Variants in GRIP1 observed in about 807,000 individuals in gnomAD.
GRIP1 encodes the protein glutamate receptor-interacting protein 1.
GRIP1 carries 45 observed loss-of-function variants against 129.9 expected under a neutral mutation model. The ratio of observed to expected loss-of-function variants is 0.35; its 90% CI spans 0.27 to 0.44. GRIP1 has a LOEUF of 0.44. Ranked by LOEUF, GRIP1 falls within the 20% of genes least tolerant of loss-of-function variation. The probability of loss-of-function intolerance (pLI) is 1.00; values close to 1 mark genes in which losing one functional copy is unlikely to be tolerated. For missense variants in GRIP1, 1,196 were observed against 1,396.8 expected, an observed-to-expected ratio of 0.86 and a Z score of 2.29; for synonymous variants, 530 against 520.8, an observed-to-expected ratio of 1.02 and a Z score of -0.24.
chr12:66,799,249 C>T (rs1027032680), intron 1 of GRIP1, among the ~76,000 whole-genome samples: 7 of 151,732 alleles, frequency 4.6e-5, no homozygotes, highest in African/African-American at 1.7e-4. Flanking sequence ...AACATGATAG[C>T]CAATCAATTT....
At chr12:66,612,392 G>C (rs1043453407) in intron 1 of GRIP1, among the ~76,000 whole-genome samples, 20 of 152,132 alleles carry the variant, frequency 1.3e-4, no homozygotes, top group African/African-American at 4.8e-4. Context: ...GGGTTCAGTG[G>C]TTCTGTGTGT....
intron 1 of GRIP1, among the ~76,000 whole-genome samples, chr12:66,908,577 G>A (rs888403823): frequency 2.0e-5 from 3 of 152,140 alleles, no homozygotes; most frequent in African/African-American, 7.2e-5. Context: ...AAGAAACAGT[G>A]TTGCATATTA....
At chr12:66,561,307 A>T (rs758964168) in intron 2 of GRIP1, among the ~76,000 whole-genome samples, 1 of 152,176 alleles carries the variant, frequency 6.6e-6, no homozygotes, top group Non-Finnish European at 1.5e-5. Context: ...ATAATTGTAC[A>T]TCTTAAAATA....
chr12:66,503,656 GTA>G (rs752000023), intron 7 of GRIP1, among the ~76,000 whole-genome samples: 12 of 152,154 alleles, frequency 7.9e-5, no homozygotes, highest in Non-Finnish European at 1.3e-4. Flanking sequence ...TTCGCCACTG[GTA>G]ACCTGAATAC....
Position 66,596,816 on chromosome 12 carries a change from A to G in GRIP1, c.136+31T>C, listed in dbSNP as rs748086813. On this transcript the variant is annotated intron_variant, in intron 2 of 24. Coordinates refer to ENST00000359742, the MANE Select transcript of GRIP1 (RefSeq NM_001366722.1). ...CCAAATAACAGGATTCAAAAGTAAA[A>G]CAGCTGAAAAATCCAACAGTCTGGT... is the stretch of plus-strand genomic sequence containing the variant. 9.6e-6 allele frequency: 13 copies of G among 1,348,002 alleles called. No homozygotes were observed. The African/African-American group carries it at 1.3e-4, about 13-fold the overall frequency. 83.5% of individuals were successfully genotyped at this position (1,348,002 alleles called of 1,614,324 possible). A position where few individuals can be genotyped will look rare whatever the true frequency, so the allele number is the denominator to read the frequency against.
At chr12:66,734,950 C>T (rs1484527577) in intron 1 of GRIP1, among the ~76,000 whole-genome samples, 1 of 152,148 alleles carries the variant, frequency 6.6e-6, no homozygotes, top group African/African-American at 2.4e-5. Context: ...TATAATAACT[C>T]AAATTTATTG....
chr12:66,850,890 G>A (rs778325953), intron 1 of GRIP1, among the ~76,000 whole-genome samples: 4 of 149,918 alleles, frequency 2.7e-5, no homozygotes, highest in African/African-American at 9.8e-5. Flanking sequence ...GGGCTTCTTG[G>A]CTTTTAAATT....
intron 1 of GRIP1, among the ~76,000 whole-genome samples, chr12:66,962,673 G>A (rs10878542): frequency 0.69 from 105,548 of 151,930 alleles, 37,523 homozygotes; most frequent in African/African-American, 0.84. Context: ...TTAAATATTC[G>A]AGGTCCTAAA....
chr12:66,374,921 A>G (rs925660420), intron 22 of GRIP1, among the ~76,000 whole-genome samples: 7 of 152,224 alleles, frequency 4.6e-5, no homozygotes, highest in Non-Finnish European at 1.0e-4. Context: ...AAGCTAAAAA[A>G]TAATTATTTT....
chr12:66,847,460 A>G (rs965589841), intron 1 of GRIP1, among the ~76,000 whole-genome samples: 4 of 152,188 alleles, frequency 2.6e-5, no homozygotes, highest in Admixed American at 6.6e-5. Flanking sequence ...GGCTTGATGA[A>G]CATCTTTAAT....
At chr12:66,866,049 C>G (rs1046099101) in intron 1 of GRIP1, among the ~76,000 whole-genome samples, 2 of 152,148 alleles carry the variant, frequency 1.3e-5, no homozygotes, top group African/African-American at 4.8e-5. Flanking sequence ...GACCACCCAA[C>G]CCATGGCTGC....
At chr12:66,395,062 C>T (rs1395649735) in intron 16 of GRIP1, among the ~76,000 whole-genome samples, 2 of 152,156 alleles carry the variant, frequency 1.3e-5, no homozygotes, top group South Asian at 2.1e-4. Context: ...GACCAGCCTG[C>T]CACACTGTCA....
chr12:66,537,318 C>G (rs1437488621), intron 4 of GRIP1, among the ~76,000 whole-genome samples: 1 of 152,056 alleles, frequency 6.6e-6, no homozygotes, highest in Non-Finnish European at 1.5e-5. Flanking sequence ...TTGAACCTGT[C>G]TATTTGATAC....
chr12:66,878,620 A>G (rs1346385206), intron 1 of GRIP1, among the ~76,000 whole-genome samples: 3 of 152,082 alleles, frequency 2.0e-5, no homozygotes, highest in South Asian at 2.1e-4. Context: ...TCATTAAACC[A>G]ATGCTACAAA....
chr12:66,896,328 G>A (rs76117958), intron 1 of GRIP1, among the ~76,000 whole-genome samples: 14,165 of 152,068 alleles, frequency 0.093, 773 homozygotes, highest in Admixed American at 0.18. Flanking sequence ...CCTTGTGTGT[G>A]TGCAATCCAC....
rs57810130 is a variant in GRIP1 at position 66,675,405 on chromosome 12, C to T, written c.55+3445G>A. 7.1e-3 allele frequency among the ~76,000 whole-genome samples: 1,074 copies of T among 151,124 alleles called. 14 individuals carry two copies. Among genetic ancestry groups the T allele is most frequent in the African/African-American group, 0.025 (1,020 of 40,478 alleles). On this transcript the variant is annotated intron_variant, in intron 1 of 24. Transcript: ENST00000359742. ...AGCAGCAGAGTCACATCCCATATCA[C>T]CAGAGAAAGTGATTCTCTGCATATG... is the stretch of plus-strand genomic sequence containing the variant.
chr12:66,847,467 T>C (rs1020048564), intron 1 of GRIP1, among the ~76,000 whole-genome samples: 1 of 152,216 alleles, frequency 6.6e-6, no homozygotes, highest in African/African-American at 2.4e-5. Flanking sequence ...TGAACATCTT[T>C]AATCAATTCC....
In GRIP1 at chr12:66,693,633, G is replaced by A. The variant is rs145145851; in HGVS notation, c.-419-63297C>T. On this transcript the variant is annotated intron_variant, in intron 1 of 4. Transcript: ENST00000538373. ...ATATGATTTTACTGGAGCTCTCCCC[G>A]GTAAAATGTACACAAATTTATATGC... is the stretch of plus-strand genomic sequence containing the variant. Among the ~76,000 whole-genome samples, 1,233 of 152,094 alleles carry A rather than the reference G, an allele frequency of 8.1e-3. 8 individuals are homozygous for A. Among genetic ancestry groups the A allele is most frequent in the African/African-American group, 0.027 (1,132 of 41,468 alleles).
chr12:66,706,440 T>C (rs1216183192), intron 1 of GRIP1, among the ~76,000 whole-genome samples: 2 of 152,124 alleles, frequency 1.3e-5, no homozygotes, highest in Non-Finnish European at 2.9e-5. Context: ...AGTTCAACCA[T>C]TGTGGAAGAC....
Sources: gnomAD v4.1 joint callset for allele counts (sites outside exome capture counted in the v4.1 genomes callset) on GRCh38, gnomAD v4.1.1 for gene constraint, MANE v1.5 for transcripts, NCBI Gene and HGNC (gene_info 2026-07-23, HGNC 2026-07-21) for gene names.